CFAP65: variants seen among roughly 807,000 people sequenced by gnomAD.
The protein encoded by CFAP65 is cilia and flagella associated protein 65, also known as cilia- and flagella-associated protein 65.
In CFAP65, 155 loss-of-function variants were observed where a neutral mutation model predicts 208.0. The observed-to-expected ratio is 0.75, with a 90% CI of 0.65 to 0.85. The LOEUF (loss-of-function observed/expected upper bound fraction) is 0.85, where lower values mean the gene tolerates loss of function less well. Among genes scored for constraint, CFAP65 ranks in the 40% least tolerant of loss-of-function variants. The pLI, the probability that CFAP65 is intolerant of heterozygous loss-of-function variation, is 0.00. For missense variants in CFAP65, 2,294 were observed against 2,451.3 expected (o/e 0.94, Z 1.36); for synonymous variants, 970 against 986.3 (o/e 0.98, Z 0.31).
chr2:219,028,824 T>A (rs1947830949), intron 11 of CFAP65, among the ~76,000 whole-genome samples: 1 of 152,088 alleles, frequency 6.6e-6, no homozygotes, highest in Non-Finnish European at 1.5e-5. Flanking sequence ...CATACTAAAC[T>A]GTCACAAGAA....
Position 219,026,262 on chromosome 2 carries a change from T to A in CFAP65, c.2212-103A>T, listed in dbSNP as rs375709701. On this transcript the variant is annotated intron_variant, in intron 13 of 34. Transcript: ENST00000341552. ...GCCCTTGTGCTGCAGGAGTCTGACA[T>A]TGGACACAGACAGGAGGGCCTCCCT... 5.5e-6 allele frequency: 7 copies of A among 1,274,040 alleles called. No individual in the cohort carries two copies. In the East Asian group the frequency reaches 1.5e-4, roughly 27 times the overall value. 78.9% of individuals were successfully genotyped at this position (1,274,040 alleles called of 1,614,324 possible).
At chr2:219,038,174 G>A (rs1235180262) in intron 4 of CFAP65, among the ~76,000 whole-genome samples, 2 of 152,192 alleles carry the variant, frequency 1.3e-5, no homozygotes, top group Non-Finnish European at 2.9e-5. Context: ...TTTACTGAGT[G>A]TGTTCGATGG....
At chr2:219,036,569 C>T (rs148512586) in intron 4 of CFAP65, among the ~76,000 whole-genome samples, 2,496 of 152,058 alleles carry the variant, frequency 0.016, 81 homozygotes, top group African/African-American at 0.057. Flanking sequence ...CTTAGCTTCC[C>T]GAGTAGCTGG....
At chr2:219,005,823 C>G (rs1478668109) in intron 31 of CFAP65, among the ~76,000 whole-genome samples, 198 bp downstream of exon 31, 3 of 152,204 alleles carry the variant, frequency 2.0e-5, no homozygotes, top group African/African-American at 7.2e-5. Flanking sequence ...CCCCAGGGGG[C>G]TCTGGCTGCT....
intron 4 of CFAP65, among the ~76,000 whole-genome samples, chr2:219,037,310 T>G (rs1338859865): frequency 6.6e-6 from 1 of 152,228 alleles, no homozygotes; most frequent in African/African-American, 2.4e-5. Context: ...CAGAATCGCT[T>G]AAACCCCGGA....
At chr2:219,010,141 C>A in intron 26 of CFAP65, 56 bp from the exon 27 acceptor site, 2 of 1,500,100 alleles carry the variant, frequency 1.3e-6, no homozygotes, top group South Asian at 2.7e-5. Context: ...TGGTGGCTCA[C>A]GCCTGTAATC....
Position 219,006,488 on chromosome 2 carries a change from A to T in CFAP65, c.4696T>A (p.Cys1566Ser). ...KVKKRTCCTA[C>S]EPARKYKTLP... ...ACCTTGTACTTCCTCGCAGGTTCAC[A>T]GGCTGTGCAGCATGTTCTCTTCTGT... Residue 1566 changes from cysteine to serine, a missense_variant, in exon 30 of 35, where the codon TGT becomes AGT. Transcript: ENST00000341552. The T allele has an allele frequency of 6.2e-7, 1 of 1,613,636 alleles. No homozygotes were observed. Among genetic ancestry groups the T allele is most frequent in the Middle Eastern group, 1.7e-4 (1 of 6,054 alleles).
chr2:219,031,299 C>A lies in CFAP65; in HGVS notation c.822G>T (p.Leu274=), dbSNP rs1293537688. 1.2e-6 allele frequency: 2 copies of A among 1,613,526 alleles called. No homozygotes were observed. The highest frequency in any genetic ancestry group is 2.2e-5 in the East Asian group (1 of 44,862). ...AFFCLDNVGD[L]PTFFTWEFSS... is the part of the protein sequence containing the mutation. ...AGAACTCCCAGGTGAAGAAGGTGGG[C>A]AGGTCCCTGGGGGTGGGGGGCAGGT... The change falls in exon 8 of 35, where the codon CTG becomes CTT. Residue 274 remains leucine (L), a synonymous_variant. Transcript: ENST00000341552. The surrounding 1 kb of genome is among the most constrained non-coding windows in gnomAD (Gnocchi z 5.2).
rs770237247 is a variant in CFAP65, at chr2:219,031,243, C to T, written c.878G>A (p.Gly293Glu). The T allele has an allele frequency of 6.2e-7, 1 of 1,613,852 alleles. No homozygotes were observed. Among genetic ancestry groups the T allele is most frequent in the Non-Finnish European group, 8.5e-7 (1 of 1,179,938 alleles). ...SSPFQMLPAT[G>E]LLEPGQASQI... is the part of the protein sequence containing the mutation. ...AGAGGCCTGGCCTGGCTCCAGGAGC[C>T]CCGTGGCGGGCAGCATCTGGAATGG... is the stretch of plus-strand genomic sequence containing the variant. The change falls in exon 8 of 35, where the codon GGG (glycine) becomes GAG (glutamate). Residue 293 changes from glycine to glutamate, a missense_variant. Gly to Glu is a moderately conservative substitution (Grantham distance 98). Coordinates refer to ENST00000341552, the MANE Select transcript of CFAP65 (RefSeq NM_194302.4). The surrounding 1 kb of genome is among the most constrained non-coding windows in gnomAD (Gnocchi z 5.2).
chr2:219,041,539 TC>T (rs1187554837), upstream of CFAP65: 17 of 1,550,336 alleles, frequency 1.1e-5, no homozygotes, highest in Non-Finnish European at 1.5e-5. Flanking sequence ...GGAAACGGCG[TC>T]TTCAGATATC....
intron 18 of CFAP65, among the ~76,000 whole-genome samples, 186 bp downstream of exon 18, chr2:219,021,594 G>T (rs1036292464): frequency 7.9e-5 from 12 of 152,154 alleles, no homozygotes; most frequent in African/African-American, 2.7e-4. Flanking sequence ...GAGGGCAGTG[G>T]CTCTTCACAG....
chr2:219,019,439 A>G, intron 20 of CFAP65, 67 bp downstream of exon 20: 1 of 1,358,250 alleles, frequency 7.4e-7, no homozygotes, highest in Non-Finnish European at 1.0e-6. Context: ...TCTGGGCAGA[A>G]AGCTCCATGA....
chr2:219,011,913 C>A (rs1392218261), intron 24 of CFAP65, among the ~76,000 whole-genome samples: 2 of 152,212 alleles, frequency 1.3e-5, no homozygotes, highest in East Asian at 3.8e-4. Flanking sequence ...ATCCTCAATA[C>A]AATAGTATTA....
intron 10 of CFAP65, 125 bp downstream of exon 10, chr2:219,029,861 G>A: frequency 8.9e-7 from 1 of 1,122,566 alleles, no homozygotes; most frequent in Non-Finnish European, 1.3e-6. Flanking sequence ...AGGGCCACCA[G>A]GGGGCAGCAG....
At chr2:219,021,369 A>T in intron 18 of CFAP65, 89 bp from the exon 19 acceptor site, 4 of 1,403,714 alleles carry the variant, frequency 2.8e-6, no homozygotes, top group Non-Finnish European at 3.7e-6. Flanking sequence ...CCTGGGCACC[A>T]GGGGAGGACA....
At position 219,031,483 on chromosome 2, in the gene CFAP65, C is replaced by T. The variant is rs1948030871; in HGVS notation, c.815+6G>A. 6.2e-7 allele frequency: 1 copy of T among 1,614,112 alleles called. No homozygotes were observed. Among genetic ancestry groups the T allele is most frequent in the East Asian group, 2.2e-5 (1 of 44,898 alleles). On this transcript the variant is annotated splice_donor_region_variant and intron_variant, in intron 7 of 34. Coordinates refer to ENST00000341552, the MANE Select transcript of CFAP65 (RefSeq NM_194302.4). This position sits in a 1 kb window ranked among gnomAD's most constrained non-coding sequence, Gnocchi z 5.2. ...TCTCCCCGCCGCACCTCAGCCTCTT[C>T]CTCACCCCACATTATCCAGGCAGAA...
Position 219,032,401 on chromosome 2 carries a change from C to T in CFAP65, c.645+69G>A. On this transcript the variant is annotated intron_variant, in intron 6 of 34. Transcript: ENST00000341552. This position sits in a 1 kb window ranked among gnomAD's most constrained non-coding sequence, Gnocchi z 5.5. Reference sequence around the variant, plus strand: ...GCCGGGGCGCTCCTGGTTGCTCTGTCCTGTTTTCTGTTCTGAGGTCACTGC... The same window carrying T: ...GCCGGGGCGCTCCTGGTTGCTCTGTTCTGTTTTCTGTTCTGAGGTCACTGC... The T allele has an allele frequency of 7.1e-7, 1 of 1,407,080 alleles. No homozygotes were observed. The highest frequency in any genetic ancestry group is 9.7e-7 in the Non-Finnish European group (1 of 1,027,794). 87.2% of individuals were successfully genotyped at this position (1,407,080 alleles called of 1,614,324 possible).
At chr2:219,011,291 T>C (rs950450840) in intron 24 of CFAP65, among the ~76,000 whole-genome samples, 31 of 147,922 alleles carry the variant, frequency 2.1e-4, no homozygotes, top group Non-Finnish European at 4.0e-4. Context: ...TTTTTTTTTT[T>C]TGAGACAAGG....
At chr2:219,037,497 C>T (rs891424269) in intron 4 of CFAP65, among the ~76,000 whole-genome samples, 3 of 152,192 alleles carry the variant, frequency 2.0e-5, no homozygotes, top group African/African-American at 4.8e-5. Context: ...TGCCACCGCA[C>T]CTAGGTTAGA....
Sources: allele counts gnomAD v4.1 joint callset (sites outside exome capture counted in the v4.1 genomes callset), GRCh38; gene constraint gnomAD v4.1.1; non-coding constraint Gnocchi (gnomAD v3.1); transcripts MANE v1.5; gene names NCBI Gene and HGNC (gene_info 2026-07-23, HGNC 2026-07-21).